PDZRN4: variants seen among roughly 807,000 people sequenced by gnomAD.
PDZRN4 encodes the protein PDZ domain-containing RING finger protein 4.
In PDZRN4, 70 loss-of-function variants were observed where a neutral mutation model predicts 99.0. That is an observed-to-expected ratio of 0.71 (90% CI 0.58 to 0.86). The LOEUF (loss-of-function observed/expected upper bound fraction) is 0.86. PDZRN4 is among the 40% of genes least tolerant of loss of function. PDZRN4 has a pLI of 0.00. For missense variants in PDZRN4, 1,474 were observed against 1,331.2 expected (o/e 1.11, Z -1.67); for synonymous variants, 551 against 501.6 (o/e 1.10, Z -1.32).
chr12:41,216,670 A>G (rs1950923116), intron 3 of PDZRN4, among the ~76,000 whole-genome samples: 1 of 152,070 alleles, frequency 6.6e-6, no homozygotes, highest in South Asian at 2.1e-4. Context: ...ATAATTGAGT[A>G]AAGTATTCTG....
chr12:41,296,562 A>G (rs376749306), intron 3 of PDZRN4, among the ~76,000 whole-genome samples: 11 of 152,294 alleles, frequency 7.2e-5, no homozygotes, highest in African/African-American at 2.2e-4. Context: ...CATTGCTTTC[A>G]TCAACAAAGG....
intron 3 of PDZRN4, among the ~76,000 whole-genome samples, chr12:41,228,386 T>A (rs1951008920): frequency 6.6e-6 from 1 of 152,154 alleles, no homozygotes; most frequent in Non-Finnish European, 1.5e-5. Flanking sequence ...CAGAATAATT[T>A]TTTGTGCTGC....
At chr12:41,277,542 C>A (rs1372548195) in intron 3 of PDZRN4, among the ~76,000 whole-genome samples, 1 of 152,220 alleles carries the variant, frequency 6.6e-6, no homozygotes, top group African/African-American at 2.4e-5. Flanking sequence ...ATCCCAATCT[C>A]TTTCTCACCT....
intron 3 of PDZRN4, among the ~76,000 whole-genome samples, chr12:41,435,394 A>G (rs1176275417): frequency 1.3e-5 from 2 of 152,220 alleles, no homozygotes; most frequent in Non-Finnish European, 2.9e-5. Context: ...CTATCACACA[A>G]GAGAGTTTTA....
intron 3 of PDZRN4, among the ~76,000 whole-genome samples, chr12:41,420,597 G>T (rs532756486): frequency 6.6e-6 from 1 of 152,048 alleles, no homozygotes; most frequent in African/African-American, 2.4e-5. Context: ...GGTCTTCTCA[G>T]TCTCTCTTGA....
intron 3 of PDZRN4, among the ~76,000 whole-genome samples, chr12:41,484,584 G>A (rs1312488067): frequency 8.5e-5 from 13 of 152,132 alleles, no homozygotes; most frequent in Non-Finnish European, 1.9e-4. Flanking sequence ...TAACACTTGT[G>A]AATAGTACGT....
chr12:41,344,882 C>T (rs987178708), intron 3 of PDZRN4, among the ~76,000 whole-genome samples: 1 of 151,366 alleles, frequency 6.6e-6, no homozygotes, highest in African/African-American at 2.4e-5. Context: ...CAAGAAAAAA[C>T]TGTACTGAAA....
intron 3 of PDZRN4, among the ~76,000 whole-genome samples, chr12:41,461,349 G>A (rs532892634): frequency 4.6e-5 from 7 of 152,140 alleles, no homozygotes; most frequent in African/African-American, 1.7e-4. Flanking sequence ...TAATTTTCCT[G>A]ATCCTCTCCA....
chr12:41,403,993 G>A (rs763737303), intron 3 of PDZRN4, among the ~76,000 whole-genome samples: 28 of 152,062 alleles, frequency 1.8e-4, no homozygotes, highest in Non-Finnish European at 3.8e-4. Flanking sequence ...ATACCAAAAC[G>A]TGCTGATGCT....
At chr12:41,280,073 G>T (rs374403423) in intron 3 of PDZRN4, among the ~76,000 whole-genome samples, 11 of 152,280 alleles carry the variant, frequency 7.2e-5, no homozygotes, top group African/African-American at 2.2e-4. Flanking sequence ...GCGAGCAGAA[G>T]CAGGGTGGGG....
Position 41,572,906 on chromosome 12 carries a change from T to C in PDZRN4, c.2127T>C (p.Asn709=). 1.2e-6 allele frequency: 2 copies of C among 1,614,026 alleles called. No homozygotes were observed. Among genetic ancestry groups the C allele is most frequent in the Non-Finnish European group, 1.7e-6 (2 of 1,179,992 alleles). ...IWTLHDGGFR[N]YNTSIDMQRG... is the part of the protein sequence containing the mutation. ...CATTGCATGATGGAGGATTCCGGAATTATAACACCAGCATAGATATGCAAA... is the reference window on the plus strand; with the variant it reads ...CATTGCATGATGGAGGATTCCGGAACTATAACACCAGCATAGATATGCAAA... Residue 709 remains asparagine, a synonymous_variant, in exon 10 of 10, where the codon AAT becomes AAC. Coordinates refer to ENST00000402685, the MANE Select transcript of PDZRN4 (RefSeq NM_001164595.2).
chr12:41,434,664 A>G (rs1952613855), intron 3 of PDZRN4, among the ~76,000 whole-genome samples: 1 of 152,214 alleles, frequency 6.6e-6, no homozygotes, highest in Non-Finnish European at 1.5e-5. Context: ...TTGAATGCCA[A>G]TAAAATTGTG....
At chr12:41,543,410 A>G (rs1397078897) in intron 5 of PDZRN4, among the ~76,000 whole-genome samples, 1 of 152,040 alleles carries the variant, frequency 6.6e-6, no homozygotes, top group Non-Finnish European at 1.5e-5. Flanking sequence ...ACCTTAAATA[A>G]ATTACTTAAT....
At chr12:41,494,799 G>A (rs900976427) in intron 3 of PDZRN4, among the ~76,000 whole-genome samples, 27 of 152,192 alleles carry the variant, frequency 1.8e-4, no homozygotes, top group Non-Finnish European at 2.6e-4. Context: ...GACTGAACTC[G>A]ACAAGTGTCA....
In PDZRN4 at chr12:41,419,058, C is replaced by T. The variant is rs118049743; in HGVS notation, c.844-87398C>T. On this transcript the variant is annotated intron_variant, in intron 3 of 9. Transcript: ENST00000402685. Reference sequence around the variant, plus strand: ...TCCTGTGCTAATTTGTATTATTTTCCACAGGAAATGAGAGTGAAAGAGAAA... The same window carrying T: ...TCCTGTGCTAATTTGTATTATTTTCTACAGGAAATGAGAGTGAAAGAGAAA... Among the ~76,000 whole-genome samples, 1,280 of 152,230 alleles carry T rather than the reference C, an allele frequency of 8.4e-3. 10 individuals carry two copies. Among genetic ancestry groups the T allele is most frequent in the Middle Eastern group, 0.024 (7 of 294 alleles).
chr12:41,516,136 G>A (rs889958661), intron 5 of PDZRN4, among the ~76,000 whole-genome samples: 18 of 151,994 alleles, frequency 1.2e-4, no homozygotes, highest in South Asian at 2.1e-4. Context: ...ATGTCCTCCT[G>A]CCATGTACCG....
chr12:41,333,964 C>T (rs181937440), intron 3 of PDZRN4, among the ~76,000 whole-genome samples: 1 of 152,186 alleles, frequency 6.6e-6, no homozygotes, highest in East Asian at 1.9e-4. Flanking sequence ...CAATCCTGGG[C>T]CAAAGCAAAA....
At chr12:41,353,912 A>G (rs1408820322) in intron 3 of PDZRN4, among the ~76,000 whole-genome samples, 1 of 152,090 alleles carries the variant, frequency 6.6e-6, no homozygotes, top group Non-Finnish European at 1.5e-5. Context: ...TTTGAACTTC[A>G]ATTTACAGGA....
chr12:41,498,782 A>G (rs930839495), intron 3 of PDZRN4, among the ~76,000 whole-genome samples: 13 of 152,258 alleles, frequency 8.5e-5, no homozygotes, highest in South Asian at 4.1e-4. Context: ...TATGATCTCA[A>G]TAAAAGTTAT....
Sources: gnomAD v4.1 joint callset for allele counts (sites outside exome capture counted in the v4.1 genomes callset) on GRCh38, gnomAD v4.1.1 for gene constraint, MANE v1.5 for transcripts, NCBI Gene and HGNC (gene_info 2026-07-23, HGNC 2026-07-21) for gene names.